Variants in GNPDA2 observed in about 807,000 individuals in gnomAD.
GNPDA2 encodes the protein glcN6P deaminase 2.
In GNPDA2, 24 loss-of-function variants were observed where a neutral mutation model predicts 27.0. That is an observed-to-expected ratio of 0.89 (90% confidence interval 0.64 to 1.25). GNPDA2 has a LOEUF of 1.25. Ranked by LOEUF, GNPDA2 falls within the 50% of genes most tolerant of loss-of-function variation. The pLI is 0.00. For missense variants in GNPDA2, 286 were observed against 335.1 expected, an observed-to-expected ratio of 0.85 and a Z score of 1.14; for synonymous variants, 94 against 108.4, an observed-to-expected ratio of 0.87 and a Z score of 0.83.
At chr4:44,721,976 A>G (rs2109722956) in intron 2 of GNPDA2, 108 bp downstream of exon 2, 1 of 803,358 alleles carries the variant, frequency 1.2e-6, no homozygotes, top group South Asian at 1.9e-5. Context: ...TCAATTAGTG[A>G]CATGCCAATA....
intron 1 of GNPDA2, 58 bp from the exon 2 acceptor site, chr4:44,722,300 A>G (rs1560364900): frequency 7.8e-7 from 1 of 1,285,722 alleles, no homozygotes; most frequent in Non-Finnish European, 1.1e-6. Flanking sequence ...TAAATTCAGT[A>G]ACTTTTTAAA....
At chr4:44,703,210 A>G in intron 6 of GNPDA2, 68 bp from the exon 7 acceptor site, 2 of 1,548,414 alleles carry the variant, frequency 1.3e-6, no homozygotes, top group Non-Finnish European at 1.7e-6. Context: ...ACTTTAGACA[A>G]CAAAGTATTT....
chr4:44,716,232 C>T (rs1410601013), intron 4 of GNPDA2, among the ~76,000 whole-genome samples: 1 of 151,932 alleles, frequency 6.6e-6, no homozygotes, highest in Non-Finnish European at 1.5e-5. Flanking sequence ...CATACTTGGC[C>T]ACTTCAAGTA....
chr4:44,722,014 A>C, intron 2 of GNPDA2, 70 bp downstream of exon 2: 1 of 1,191,860 alleles, frequency 8.4e-7, no homozygotes, highest in Non-Finnish European at 1.2e-6. Context: ...TCTTAAAAGA[A>C]ACCCTTCAAT....
intron 6 of GNPDA2, chr4:44,705,858 C>T (rs1203026911): frequency 6.6e-6 from 1 of 151,808 alleles, no homozygotes; most frequent in African/African-American, 2.4e-5. Flanking sequence ...ACTATGAATA[C>T]CCATTTCATA....
At position 44,707,760 on chromosome 4, in the gene GNPDA2, T is replaced by C; in HGVS notation, c.761A>G (p.Tyr254Cys). ...TGAAATTCAGTGCTCACCTTTAAAG[T>C]ATTTCACAGTTTTAACTCTTAATTC... ...TLELRVKTVK[Y>C]FKGLMHVHNK... Residue 254 changes from tyrosine to cysteine, a missense_variant, in exon 6 of 7, where the codon TAC becomes TGC. By Grantham distance (194) the Tyr-to-Cys change is radical (BLOSUM62 -2). Transcript: ENST00000295448. 1 of 1,612,356 alleles carries C rather than the reference T, an allele frequency of 6.2e-7. No homozygotes were observed. Among genetic ancestry groups the C allele is most frequent in the Non-Finnish European group, 8.5e-7 (1 of 1,179,002 alleles).
chr4:44,717,267 G>C lies in GNPDA2; in HGVS notation c.255C>G (p.Tyr85Ter), dbSNP rs755139996. The C allele has an allele frequency of 2.0e-6, 3 of 1,519,376 alleles. No homozygotes were observed. The highest frequency in any genetic ancestry group is 2.7e-6 in the Non-Finnish European group (3 of 1,118,502). The allele number at this position is 1,519,376 out of a possible 1,614,324, so 94.1% of individuals were successfully genotyped here. Reference sequence around the variant, plus strand: ...AAAAATTATTCCACATATAAGAATGGTAGCTTTCAGGATGATTTCTTGGAA... The same window carrying C: ...AAAAATTATTCCACATATAAGAATGCTAGCTTTCAGGATGATTTCTTGGAA... ...VGLPRNHPES[Y>*]HSYMWNNFFK... Residue 85 changes from tyrosine (Y) to a stop codon, truncating the protein, a stop_gained, in exon 4 of 7, where the codon TAC (tyrosine) becomes TAG (stop). Coordinates refer to ENST00000295448, the MANE Select transcript of GNPDA2 (RefSeq NM_138335.3). LOFTEE classifies it high-confidence loss of function.
intron 2 of GNPDA2, among the ~76,000 whole-genome samples, chr4:44,718,969 A>C (rs1577593794): frequency 6.6e-6 from 1 of 152,102 alleles, no homozygotes; most frequent in East Asian, 1.9e-4. Context: ...AAAATGTGTA[A>C]GGTGAGAAAA....
intron 1 of GNPDA2, among the ~76,000 whole-genome samples, chr4:44,724,927 TTA>T (rs1336567674): frequency 6.6e-6 from 1 of 152,176 alleles, no homozygotes; most frequent in African/African-American, 2.4e-5. Flanking sequence ...AAAAACAATT[TTA>T]GAGTTAAACC....
intron 6 of GNPDA2, chr4:44,705,441 G>A (rs928010748): frequency 1.0e-6 from 1 of 984,956 alleles, no homozygotes; most frequent in African/African-American, 1.7e-5. Flanking sequence ...GCTCCAAAGT[G>A]GAAAATACTG....
At chr4:44,705,197 A>T (rs1201656063) in intron 6 of GNPDA2, 60 of 980,652 alleles carry the variant, frequency 6.1e-5, no homozygotes, top group Non-Finnish European at 7.0e-5. Flanking sequence ...GATGACAATT[A>T]TAGGAATTTA....
intron 5 of GNPDA2, among the ~76,000 whole-genome samples, chr4:44,708,207 G>C (rs905552002): frequency 5.9e-5 from 9 of 152,026 alleles, no homozygotes; most frequent in Non-Finnish European, 1.3e-4. Context: ...ATGTATAAAA[G>C]AAACCTGGGA....
chr4:44,710,821 C>T (rs1716926889), intron 5 of GNPDA2, 132 bp downstream of exon 5: 5 of 754,682 alleles, frequency 6.6e-6, no homozygotes, highest in Non-Finnish European at 9.8e-6. Context: ...AAGTTGGTTA[C>T]TGAAAACTAG....
intron 6 of GNPDA2, chr4:44,704,677 C>T: frequency 1.1e-6 from 1 of 945,466 alleles, no homozygotes; most frequent in Non-Finnish European, 1.3e-6. Flanking sequence ...CTACTTAAGT[C>T]AAACAGAAAT....
intron 6 of GNPDA2, 119 bp downstream of exon 6, chr4:44,707,633 G>T: frequency 1.4e-6 from 1 of 727,550 alleles, no homozygotes; most frequent in Non-Finnish European, 2.2e-6. Flanking sequence ...GAAAGAACTA[G>T]CTATGTGTTG....
chr4:44,711,123 C>T lies in GNPDA2; in HGVS notation c.424G>A (p.Gly142Ser). Reference protein sequence around the residue: ...DLFVGGIGPDGHIAFNEPGSS... With the variant: ...DLFVGGIGPDSHIAFNEPGSS... The stretch of plus-strand genomic sequence containing the variant: ...CCAGGCTCATTGAAAGCGATATGAC[C>T]ATCTGGACCAATTCCTTTCAAAAGA... Residue 142 changes from glycine (G) to serine (S), a missense_variant, in exon 5 of 7, where the codon GGT (glycine) becomes AGT (serine). Transcript: ENST00000295448. 1 of 1,591,368 alleles carries T rather than the reference C, an allele frequency of 6.3e-7. No individual in the cohort carries two copies. Among genetic ancestry groups the T allele is most frequent in the Non-Finnish European group, 8.5e-7 (1 of 1,171,418 alleles).
intron 4 of GNPDA2, among the ~76,000 whole-genome samples, chr4:44,715,880 C>A (rs1717253192): frequency 6.6e-6 from 1 of 151,950 alleles, no homozygotes; most frequent in Non-Finnish European, 1.5e-5. Context: ...TCCTGGATGT[C>A]CCTAGAGGGA....
Position 44,702,133 on chromosome 4 carries a change from C to G in GNPDA2, c.*948G>C. On this transcript the variant is annotated 3_prime_UTR_variant, in exon 7 of 7. Coordinates refer to ENST00000295448, the MANE Select transcript of GNPDA2 (RefSeq NM_138335.3). Reference sequence around the variant, plus strand: ...GTCGAATGCATGTATTCTTCAGGTTCACTTCTGGAAATTTAGATAACTTAT... The same window carrying G: ...GTCGAATGCATGTATTCTTCAGGTTGACTTCTGGAAATTTAGATAACTTAT... 3 of 950,288 alleles carry G rather than the reference C, an allele frequency of 3.2e-6. No individual in the cohort carries two copies. The highest frequency in any genetic ancestry group is 3.8e-6 in the Non-Finnish European group (3 of 797,632). 58.9% of individuals were successfully genotyped at this position (950,288 alleles called of 1,614,324 possible).
Position 44,722,201 on chromosome 4 carries a change from G to A in GNPDA2, c.7C>T (p.Leu3Phe). MRLVILDNYDLAS... is the reference protein window; with the variant it reads MRFVILDNYDLAS... Reference sequence around the variant, plus strand: ...AAGTCATAGTTATCAAGAATTACAAGCCTCATTACGGTGACGCACAGCTTC... The same window carrying A: ...AAGTCATAGTTATCAAGAATTACAAACCTCATTACGGTGACGCACAGCTTC... The change falls in exon 2 of 7, where the codon CTT (leucine) becomes TTT (phenylalanine). Residue 3 changes from leucine to phenylalanine, a missense_variant. Coordinates refer to ENST00000295448, the MANE Select transcript of GNPDA2 (RefSeq NM_138335.3). 1 of 1,613,304 alleles carries A rather than the reference G, an allele frequency of 6.2e-7. No individual in the cohort carries two copies. The highest frequency in any genetic ancestry group is 8.5e-7 in the Non-Finnish European group (1 of 1,179,480).
Sources: gnomAD v4.1 joint callset for allele counts (sites outside exome capture counted in the v4.1 genomes callset) on GRCh38, gnomAD v4.1.1 for gene constraint, MANE v1.5 for transcripts, NCBI Gene and HGNC (gene_info 2026-07-23, HGNC 2026-07-21) for gene names.